CDKAL1: variants seen among roughly 807,000 people sequenced by gnomAD.
The protein encoded by CDKAL1 is threonylcarbamoyladenosine tRNA methylthiotransferase.
Under a neutral mutation model 68.2 loss-of-function variants are expected in CDKAL1, and 32 were observed. That is an observed-to-expected ratio of 0.47 (90% CI 0.35 to 0.63). The LOEUF (loss-of-function observed/expected upper bound fraction) is 0.63. Among genes scored for constraint, CDKAL1 ranks in the 30% least tolerant of loss-of-function variants. The probability of loss-of-function intolerance (pLI) is 0.00; values close to 1 mark genes in which losing one functional copy is unlikely to be tolerated. For missense variants in CDKAL1, 606 were observed against 696.7 expected, an observed-to-expected ratio of 0.87 and a Z score of 1.47; for synonymous variants, 234 against 244.3, an observed-to-expected ratio of 0.96 and a Z score of 0.39.
At chr6:20,701,040 C>CT (rs1257098031) in intron 5 of CDKAL1, among the ~76,000 whole-genome samples, 1 of 151,860 alleles carries the variant, frequency 6.6e-6, no homozygotes, top group African/African-American at 2.4e-5. Context: ...TTTTCAAGGT[C>CT]TTTGTAGAGA....
At chr6:21,197,092 A>G (rs987574956) in intron 13 of CDKAL1, among the ~76,000 whole-genome samples, 2 of 151,742 alleles carry the variant, frequency 1.3e-5, no homozygotes, top group Admixed American at 1.3e-4. Context: ...CGGGAGGCGG[A>G]ATTTGCAGTG....
At chr6:20,657,681 C>A (rs1277237138) in intron 5 of CDKAL1, among the ~76,000 whole-genome samples, 1 of 152,004 alleles carries the variant, frequency 6.6e-6, no homozygotes. Context: ...CAGTTATGGA[C>A]TGAATTATTT....
intron 9 of CDKAL1, among the ~76,000 whole-genome samples, chr6:20,931,039 G>C (rs1256131254): frequency 6.6e-6 from 1 of 152,086 alleles, no homozygotes; most frequent in African/African-American, 2.4e-5. Flanking sequence ...CACCGCGCCC[G>C]GCTGCGTATC....
rs145877493 is a variant in CDKAL1, at chr6:20,660,850, A to C, written c.371+11473A>C. 6.8e-3 allele frequency among the ~76,000 whole-genome samples: 1,035 copies of C among 152,324 alleles called. 9 individuals carry two copies. Among genetic ancestry groups the C allele is most frequent in the Non-Finnish European group, 8.9e-3 (608 of 68,046 alleles). On this transcript the variant is annotated intron_variant, in intron 5 of 15. Coordinates refer to ENST00000274695, the MANE Select transcript of CDKAL1 (RefSeq NM_017774.3). ...TCGTTAATATATTTATGTTAAGTAC[A>C]TTGTAAGTTGTATAAGTAATATAAT...
rs1450047558 is a variant in CDKAL1 at position 21,174,458 on chromosome 6, G to A, written c.1300-23563G>A. Among the ~76,000 whole-genome samples, 4 of 152,186 alleles carry A rather than the reference G, an allele frequency of 2.6e-5. No individual in the cohort carries two copies. In the East Asian group the frequency reaches 7.7e-4, roughly 29 times the overall value. ...ATGAGGAAAAATAGTCTCAATAATT[G>A]TAATTCAGTTATTATAACTCAACAG... On this transcript the variant is annotated intron_variant, in intron 13 of 15. Transcript: ENST00000274695.
At chr6:20,807,596 T>C (rs1451246083) in intron 8 of CDKAL1, among the ~76,000 whole-genome samples, 2 of 152,160 alleles carry the variant, frequency 1.3e-5, no homozygotes, top group Non-Finnish European at 1.5e-5. Context: ...AATTAGGTTT[T>C]ACTGGAGACT....
intron 8 of CDKAL1, among the ~76,000 whole-genome samples, chr6:20,792,966 T>G (rs946555392): frequency 2.6e-5 from 4 of 152,198 alleles, no homozygotes; most frequent in African/African-American, 9.6e-5. Context: ...ATATGGGGAA[T>G]GTATCAGACT....
intron 5 of CDKAL1, among the ~76,000 whole-genome samples, chr6:20,657,445 A>G (rs1273035775): frequency 6.6e-6 from 1 of 152,162 alleles, no homozygotes; most frequent in African/African-American, 2.4e-5. Context: ...CCTGTGTGTC[A>G]TCATCTCTCG....
chr6:20,874,048 ATGTT>A (rs1412086628), intron 9 of CDKAL1, among the ~76,000 whole-genome samples: 1 of 152,102 alleles, frequency 6.6e-6, no homozygotes, highest in Non-Finnish European at 1.5e-5. Flanking sequence ...ACTTAGAATT[ATGTT>A]TGTTTGTACT....
chr6:20,972,012 A>G (rs899824838), intron 10 of CDKAL1, among the ~76,000 whole-genome samples: 1 of 152,192 alleles, frequency 6.6e-6, no homozygotes, highest in Non-Finnish European at 1.5e-5. Context: ...TATCATTTCT[A>G]TAATCCTAAG....
At chr6:20,780,203 GA>G (rs1002157378) in intron 7 of CDKAL1, among the ~76,000 whole-genome samples, 1 of 151,642 alleles carries the variant, frequency 6.6e-6, no homozygotes, top group African/African-American at 2.4e-5. Flanking sequence ...AAGGGTATGG[GA>G]TTTTTTTGTA....
At chr6:20,702,589 G>A (rs1466796093) in intron 5 of CDKAL1, among the ~76,000 whole-genome samples, 1 of 152,104 alleles carries the variant, frequency 6.6e-6, no homozygotes, top group South Asian at 2.1e-4. Flanking sequence ...GTCGATGGCC[G>A]GCTGGCCTGC....
intron 2 of CDKAL1, among the ~76,000 whole-genome samples, chr6:20,538,477 TAAG>T (rs1195487570): frequency 6.6e-6 from 1 of 152,228 alleles, no homozygotes; most frequent in East Asian, 1.9e-4. Context: ...CTCTGTAAGA[TAAG>T]AAGCTTAGCA....
chr6:21,110,225 G>A (rs1355865482), intron 13 of CDKAL1, among the ~76,000 whole-genome samples: 1 of 152,158 alleles, frequency 6.6e-6, no homozygotes, highest in Non-Finnish European at 1.5e-5. Context: ...AGTAGTGAAG[G>A]AAAATGGAAA....
chr6:20,608,265 A>G (rs1766419473), intron 4 of CDKAL1, among the ~76,000 whole-genome samples: 1 of 152,158 alleles, frequency 6.6e-6, no homozygotes. Context: ...AAATTGGTAC[A>G]TGTGTAATTT....
chr6:20,790,448 T>C (rs915830825), intron 8 of CDKAL1, among the ~76,000 whole-genome samples: 4 of 152,094 alleles, frequency 2.6e-5, no homozygotes, highest in Non-Finnish European at 5.9e-5. Context: ...GGTGGTGTTT[T>C]GAATAAGGGA....
chr6:20,650,407 TG>T (rs1581895864), intron 5 of CDKAL1, among the ~76,000 whole-genome samples: 1 of 151,962 alleles, frequency 6.6e-6, no homozygotes, highest in Admixed American at 6.5e-5. Context: ...TGGGGTTGTT[TG>T]TTTTTTTTCC....
intron 12 of CDKAL1, among the ~76,000 whole-genome samples, chr6:21,081,874 A>T (rs9368272): frequency 6.6e-6 from 1 of 151,816 alleles, no homozygotes; most frequent in African/African-American, 2.4e-5. Context: ...CACTGTGCCC[A>T]GCCAATATAC....
chr6:20,740,473 T>C, intron 6 of CDKAL1, among the ~76,000 whole-genome samples: 1 of 152,180 alleles, frequency 6.6e-6, no homozygotes, highest in Non-Finnish European at 1.5e-5. Context: ...GATCAAATGA[T>C]GGTGCTTCTT....
Sources: allele counts gnomAD v4.1 joint callset (sites outside exome capture counted in the v4.1 genomes callset), GRCh38; gene constraint gnomAD v4.1.1; transcripts MANE v1.5; gene names NCBI Gene and HGNC (gene_info 2026-07-23, HGNC 2026-07-21).